The following TGFA variants were observed in gnomAD, a reference collection of about 807,000 sequenced individuals.
The protein encoded by TGFA is protransforming growth factor alpha.
A neutral mutation model predicts 21.7 loss-of-function variants in TGFA; 12 were observed. That is an observed-to-expected ratio of 0.55 (90% CI 0.35 to 0.90). TGFA has a LOEUF of 0.90. Among genes scored for constraint, TGFA ranks in the 40% least tolerant of loss-of-function variants. The pLI, the probability that TGFA is intolerant of heterozygous loss-of-function variation, is 0.01. For missense variants in TGFA, 178 were observed against 210.8 expected (o/e 0.84, Z 0.96); for synonymous variants, 79 against 88.1 (o/e 0.90, Z 0.58).
intron 3 of TGFA, among the ~76,000 whole-genome samples, chr2:70,463,510 G>A (rs1443710461): frequency 6.6e-6 from 1 of 152,156 alleles, no homozygotes; most frequent in East Asian, 1.9e-4. Flanking sequence ...GGTGGCTGTG[G>A]CTTGGCTTGC....
At position 70,553,762 on chromosome 2, in the gene TGFA, G is replaced by C. The variant is rs1463212785; in HGVS notation, c.6C>G (p.Val2=). 1 of 1,289,872 alleles carries C rather than the reference G, an allele frequency of 7.8e-7. No homozygotes were observed. The highest frequency in any genetic ancestry group is 9.9e-7 in the Non-Finnish European group (1 of 1,011,632). The allele number at this position is 1,289,872 out of a possible 1,614,324, so 79.9% of individuals were successfully genotyped here. A position where few individuals can be genotyped will look rare whatever the true frequency, so the allele number is the denominator to read the frequency against. The change falls in exon 1 of 6, where the codon GTC becomes GTG. Residue 2 remains valine (V), a synonymous_variant. Coordinates refer to ENST00000295400, the MANE Select transcript of TGFA (RefSeq NM_003236.4). M[V]PSAGQLALFA... ...ACAGGGCGAGCTGTCCAGCCGAGGG[G>C]ACCATTTTACGGGCGGGCGGGCAGC...
intron 2 of TGFA, among the ~76,000 whole-genome samples, chr2:70,491,026 A>G (rs992759785): frequency 1.3e-5 from 2 of 152,192 alleles, no homozygotes; most frequent in Non-Finnish European, 2.9e-5. Flanking sequence ...GGAATTGATC[A>G]CAGAAAAACT....
intron 1 of TGFA, 50 bp downstream of exon 1, chr2:70,553,678 G>A (rs1553507191): frequency 6.7e-6 from 9 of 1,334,680 alleles, no homozygotes; most frequent in Non-Finnish European, 7.7e-6. Flanking sequence ...GGGGACCGGG[G>A]GAAGCAGGGT....
intron 3 of TGFA, among the ~76,000 whole-genome samples, chr2:70,464,350 A>T (rs782116836): frequency 3.3e-5 from 5 of 152,226 alleles, no homozygotes; most frequent in Non-Finnish European, 7.3e-5. Context: ...ATGAAGCCAA[A>T]ACCTTAATAG....
rs1177830735 is a variant in TGFA, at chr2:70,449,175, T to G, written c.*1684A>C. On this transcript the variant is annotated 3_prime_UTR_variant, in exon 6 of 6. Coordinates refer to ENST00000295400, the MANE Select transcript of TGFA (RefSeq NM_003236.4). ...AAAATGAAGACACGGGTCATAGAAT[T>G]GTCTGAATTATAAAAAAAAATAAAG... 1.4e-5 allele frequency: 2 copies of G among 144,064 alleles called. No individual in the cohort carries two copies. Among genetic ancestry groups the G allele is most frequent in the African/African-American group, 5.0e-5 (2 of 39,684 alleles). The allele number at this position is 144,064 out of a possible 1,614,324, so 8.9% of individuals were successfully genotyped here. A position where few individuals can be genotyped will look rare whatever the true frequency, so the allele number is the denominator to read the frequency against.
At chr2:70,527,246 T>C (rs1672664334) in intron 1 of TGFA, among the ~76,000 whole-genome samples, 2 of 152,248 alleles carry the variant, frequency 1.3e-5, no homozygotes, top group African/African-American at 2.4e-5. Context: ...GGTACATTCA[T>C]ACAATGGGAT....
intron 1 of TGFA, among the ~76,000 whole-genome samples, chr2:70,538,363 A>G (rs1263677160): frequency 6.6e-6 from 1 of 152,210 alleles, no homozygotes; most frequent in Admixed American, 6.5e-5. Flanking sequence ...ACATTTTATA[A>G]TGCTATTGCT....
intron 4 of TGFA, among the ~76,000 whole-genome samples, chr2:70,453,965 C>A (rs1670140869): frequency 6.6e-6 from 1 of 151,898 alleles, no homozygotes; most frequent in Non-Finnish European, 1.5e-5. Flanking sequence ...GCTCCTGCCT[C>A]CCTCTGTGGG....
intron 2 of TGFA, among the ~76,000 whole-genome samples, 155 bp downstream of exon 2, chr2:70,514,704 G>A (rs372317566): frequency 2.0e-5 from 3 of 152,132 alleles, no homozygotes; most frequent in East Asian, 1.9e-4. Context: ...TCCAGTGAGC[G>A]CCTCCTCGCC....
At chr2:70,546,671 T>C (rs1432998459) in intron 1 of TGFA, among the ~76,000 whole-genome samples, 1 of 151,574 alleles carries the variant, frequency 6.6e-6, no homozygotes, top group Non-Finnish European at 1.5e-5. Context: ...TTTGAAGAGA[T>C]TGTGGGGAGT....
At chr2:70,501,340 G>T (rs1553499128) in intron 2 of TGFA, among the ~76,000 whole-genome samples, 2 of 147,490 alleles carry the variant, frequency 1.4e-5, no homozygotes, top group Admixed American at 6.8e-5. Context: ...ACACCATTTT[G>T]TTCACAAGTC....
At chr2:70,503,343 A>G (rs1221994194) in intron 2 of TGFA, among the ~76,000 whole-genome samples, 1 of 145,524 alleles carries the variant, frequency 6.9e-6, no homozygotes, top group African/African-American at 2.5e-5. Context: ...CAAACACCGC[A>G]TGTTCTCACT....
At chr2:70,502,279 T>C (rs1671759846) in intron 2 of TGFA, among the ~76,000 whole-genome samples, 2 of 152,238 alleles carry the variant, frequency 1.3e-5, no homozygotes, top group Admixed American at 1.3e-4. Context: ...AATAGCGGGT[T>C]CCATGACCCT....
At chr2:70,496,752 G>T (rs982667395) in intron 2 of TGFA, among the ~76,000 whole-genome samples, 1 of 152,092 alleles carries the variant, frequency 6.6e-6, no homozygotes, top group Non-Finnish European at 1.5e-5. Context: ...AAAATATCAA[G>T]TGTCTTGTAT....
intron 1 of TGFA, among the ~76,000 whole-genome samples, chr2:70,549,932 A>G (rs1553506551): frequency 6.6e-6 from 1 of 152,236 alleles, no homozygotes; most frequent in East Asian, 1.9e-4. Context: ...TTTACAGCCC[A>G]TGTTCTAAGT....
chr2:70,522,595 G>T (rs1001889219), intron 1 of TGFA, among the ~76,000 whole-genome samples: 1 of 151,990 alleles, frequency 6.6e-6, no homozygotes, highest in Non-Finnish European at 1.5e-5. Flanking sequence ...CATCACACCC[G>T]GCTAATTTTT....
At chr2:70,538,227 G>A (rs1254463955) in intron 1 of TGFA, among the ~76,000 whole-genome samples, 3 of 152,182 alleles carry the variant, frequency 2.0e-5, no homozygotes, top group African/African-American at 7.2e-5. Context: ...ATGCACCTGG[G>A]TCGCCCAAGA....
intron 1 of TGFA, among the ~76,000 whole-genome samples, chr2:70,527,420 A>AGTT (rs1553503099): frequency 1.3e-5 from 2 of 152,234 alleles, no homozygotes; most frequent in Admixed American, 1.3e-4. Context: ...AAAGATCAGT[A>AGTT]GTTGCCAGGG....
At chr2:70,474,611 G>A (rs1273091237) in intron 2 of TGFA, among the ~76,000 whole-genome samples, 2 of 152,190 alleles carry the variant, frequency 1.3e-5, no homozygotes, top group Non-Finnish European at 2.9e-5. Flanking sequence ...ACATGTCCAG[G>A]GATGATGGTT....
Sources: gnomAD v4.1 joint callset for allele counts (sites outside exome capture counted in the v4.1 genomes callset) on GRCh38, gnomAD v4.1.1 for gene constraint, MANE v1.5 for transcripts, NCBI Gene and HGNC (gene_info 2026-07-23, HGNC 2026-07-21) for gene names.